Variants in CDK14 observed in about 807,000 individuals in gnomAD.
CDK14 encodes cyclin-dependent kinase 14.
Under a neutral mutation model 60.7 loss-of-function variants are expected in CDK14, and 34 were observed. The ratio of observed to expected loss-of-function variants is 0.56; its 90% CI spans 0.43 to 0.75. CDK14 has a LOEUF of 0.75. Ranked by LOEUF, CDK14 falls within the 30% of genes least tolerant of loss-of-function variation. The probability of loss-of-function intolerance (pLI) is 0.00; values close to 1 mark genes in which losing one functional copy is unlikely to be tolerated. For synonymous variants in CDK14, 197 were observed against 203.7 expected, an observed-to-expected ratio of 0.97 and a Z score of 0.28; for missense variants, 482 against 564.1, an observed-to-expected ratio of 0.85 and a Z score of 1.47.
At chr7:90,627,963 A>G (rs1269587081) in intron 2 of CDK14, among the ~76,000 whole-genome samples, 2 of 151,980 alleles carry the variant, frequency 1.3e-5, no homozygotes, top group African/African-American at 4.8e-5. Context: ...CTTCTCAATT[A>G]TTATTATTTT....
At chr7:90,765,416 AT>A (rs1804512168) in intron 4 of CDK14, among the ~76,000 whole-genome samples, 1 of 152,156 alleles carries the variant, frequency 6.6e-6, no homozygotes, top group South Asian at 2.1e-4. Context: ...GACCACCAAT[AT>A]TTAGAGCTGG....
intron 5 of CDK14, among the ~76,000 whole-genome samples, chr7:90,812,409 T>C (rs1439828283): frequency 6.6e-6 from 1 of 151,952 alleles, no homozygotes; most frequent in Non-Finnish European, 1.5e-5. Context: ...TAGGTGGTAA[T>C]TGAACAATGA....
chr7:91,158,443 C>T (rs994673359), intron 14 of CDK14, among the ~76,000 whole-genome samples: 7 of 151,904 alleles, frequency 4.6e-5, no homozygotes, highest in Admixed American at 2.6e-4. Context: ...TCTCAAACTC[C>T]GCAGCTCAAG....
intron 6 of CDK14, among the ~76,000 whole-genome samples, chr7:90,890,171 G>A (rs1012578384): frequency 1.3e-5 from 2 of 152,224 alleles, no homozygotes; most frequent in Non-Finnish European, 2.9e-5. Flanking sequence ...CCAAGAGTTC[G>A]AGACTAGCCC....
At chr7:90,960,224 T>G (rs111546310) in intron 9 of CDK14, among the ~76,000 whole-genome samples, 3 of 152,220 alleles carry the variant, frequency 2.0e-5, no homozygotes, top group African/African-American at 7.2e-5. Flanking sequence ...AGCAAATAAA[T>G]GATTATCTCA....
rs538131809 is a variant in CDK14, at chr7:91,004,496, C to T, written c.1041+20255C>T. ...GCATTTCCAACTATTTTCTTTTAAG[C>T]CTAAAGGTGTGTGAGCAAGGTCAAT... is the stretch of plus-strand genomic sequence containing the variant. On this transcript the variant is annotated intron_variant, in intron 10 of 14. Transcript: ENST00000380050. Among the ~76,000 whole-genome samples, 17 of 152,102 alleles carry T rather than the reference C, an allele frequency of 1.1e-4. No homozygotes were observed. The South Asian group carries it at 3.5e-3, about 32-fold the overall frequency.
chr7:90,884,717 G>C (rs747351071), intron 6 of CDK14, among the ~76,000 whole-genome samples: 6 of 152,110 alleles, frequency 3.9e-5, no homozygotes, highest in Non-Finnish European at 8.8e-5. Context: ...AAACAGCATG[G>C]TACAGGTACC....
chr7:90,791,479 G>A (rs1458871311), intron 5 of CDK14, among the ~76,000 whole-genome samples: 1 of 152,120 alleles, frequency 6.6e-6, no homozygotes, highest in Non-Finnish European at 1.5e-5. Context: ...AGATAAATTG[G>A]TGGTTTGCTG....
At chr7:90,614,696 T>C (rs2116351509) in intron 2 of CDK14, among the ~76,000 whole-genome samples, 1 of 152,224 alleles carries the variant, frequency 6.6e-6, no homozygotes, top group Middle Eastern at 3.4e-3. Flanking sequence ...AGTCCACCAG[T>C]TTCAGCCTCT....
chr7:90,837,336 G>A (rs1157819401), intron 5 of CDK14, among the ~76,000 whole-genome samples: 1 of 146,772 alleles, frequency 6.8e-6, no homozygotes, highest in Admixed American at 6.9e-5. Flanking sequence ...CACCCAGGCT[G>A]GAATGCAGTG....
At chr7:91,130,591 T>C (rs1234799967) in intron 14 of CDK14, among the ~76,000 whole-genome samples, 1 of 152,166 alleles carries the variant, frequency 6.6e-6, no homozygotes, top group East Asian at 1.9e-4. Flanking sequence ...CACAAATTTT[T>C]TTTTGCTATA....
At chr7:90,629,888 G>T (rs538214163) in intron 2 of CDK14, among the ~76,000 whole-genome samples, 5 of 152,004 alleles carry the variant, frequency 3.3e-5, no homozygotes, top group Non-Finnish European at 5.9e-5. Context: ...TTAGCCAGGC[G>T]TGGTGGCGTG....
chr7:91,008,889 T>G (rs1796071182), intron 10 of CDK14, among the ~76,000 whole-genome samples: 1 of 152,188 alleles, frequency 6.6e-6, no homozygotes, highest in Non-Finnish European at 1.5e-5. Context: ...ATTGCATGTT[T>G]AAGGTGTACA....
At chr7:91,052,911 C>CACACCATTTTAA (rs1797431626) in intron 11 of CDK14, among the ~76,000 whole-genome samples, 1 of 152,064 alleles carries the variant, frequency 6.6e-6, no homozygotes, top group Non-Finnish European at 1.5e-5. Flanking sequence ...ATATTTTAAA[C>CACACCATTTTAA]ACACTCTGCT....
At chr7:90,680,358 G>A (rs904193236) in intron 2 of CDK14, among the ~76,000 whole-genome samples, 1 of 152,114 alleles carries the variant, frequency 6.6e-6, no homozygotes, top group African/African-American at 2.4e-5. Flanking sequence ...TTAGTTTAAT[G>A]TTATATTGGG....
At chr7:91,159,619 C>T (rs1266950818) in intron 14 of CDK14, among the ~76,000 whole-genome samples, 2 of 152,268 alleles carry the variant, frequency 1.3e-5, no homozygotes, top group Non-Finnish European at 1.5e-5. Flanking sequence ...AGCAGCAAGG[C>T]GAAGTGGAGC....
intron 5 of CDK14, among the ~76,000 whole-genome samples, chr7:90,807,527 A>T (rs1327449438): frequency 6.6e-6 from 1 of 152,222 alleles, no homozygotes; most frequent in Non-Finnish European, 1.5e-5. Context: ...AAAACAGAGC[A>T]GAAAAACTGG....
chr7:90,705,033 A>G (rs1801868226), intron 2 of CDK14, among the ~76,000 whole-genome samples: 1 of 152,070 alleles, frequency 6.6e-6, no homozygotes, highest in South Asian at 2.1e-4. Flanking sequence ...ATATTACTAA[A>G]TATAATCTAT....
intron 2 of CDK14, among the ~76,000 whole-genome samples, chr7:90,702,449 C>CT (rs959359890): frequency 4.4e-4 from 67 of 151,904 alleles, no homozygotes; most frequent in African/African-American, 1.5e-3. Flanking sequence ...AGCCAAAAGC[C>CT]TTTTTTTGGT....
Sources: gnomAD v4.1 joint callset for allele counts (sites outside exome capture counted in the v4.1 genomes callset) on GRCh38, gnomAD v4.1.1 for gene constraint, MANE v1.5 for transcripts, NCBI Gene and HGNC (gene_info 2026-07-23, HGNC 2026-07-21) for gene names.